Variants in QTMAN observed in about 807,000 individuals in gnomAD.
QTMAN encodes tRNA-queuosine alpha-mannosyltransferase.
chr2:144,078,715 T>G, the QTMAN span, among the ~76,000 whole-genome samples: 2 of 152,146 alleles, frequency 1.3e-5, no homozygotes, highest in South Asian at 4.1e-4. Flanking sequence ...ACTAACAACA[T>G]ATAGTCCTTA....
At chr2:144,198,188 C>T in the QTMAN span, among the ~76,000 whole-genome samples, 2 of 151,742 alleles carry the variant, frequency 1.3e-5, no homozygotes, top group African/African-American at 4.8e-5. Flanking sequence ...GACTGTACTA[C>T]TATACTCCAA....
the QTMAN span, among the ~76,000 whole-genome samples, chr2:143,978,985 T>C: frequency 3.3e-5 from 5 of 152,198 alleles, no homozygotes; most frequent in East Asian, 7.7e-4. Context: ...TAAGAGACTC[T>C]TTGATGTTTG....
the QTMAN span, among the ~76,000 whole-genome samples, chr2:144,322,066 T>C: frequency 6.6e-6 from 1 of 152,192 alleles, no homozygotes; most frequent in African/African-American, 2.4e-5. Context: ...CTCTGAATAT[T>C]TGGAAAATGT....
the QTMAN span, among the ~76,000 whole-genome samples, chr2:144,121,693 T>C: frequency 1.3e-5 from 2 of 152,264 alleles, no homozygotes; most frequent in Admixed American, 6.5e-5. Flanking sequence ...CAAAATACAT[T>C]TATTGTGAAA....
the QTMAN span, among the ~76,000 whole-genome samples, chr2:144,134,092 G>A: frequency 6.6e-6 from 1 of 152,094 alleles, no homozygotes; most frequent in Non-Finnish European, 1.5e-5. Context: ...GTTTTCCGTG[G>A]GGAGCCACGG....
chr2:144,100,859 C>CTTTTTTTTTT, the QTMAN span, among the ~76,000 whole-genome samples: 32 of 77,910 alleles, frequency 4.1e-4, no homozygotes, highest in African/African-American at 6.2e-4. Flanking sequence ...GTCTTTCTTT[C>CTTTTTTTTTT]TTTTTTTTTT....
At chr2:144,143,587 G>A in the QTMAN span, among the ~76,000 whole-genome samples, 1 of 151,882 alleles carries the variant, frequency 6.6e-6, no homozygotes, top group Non-Finnish European at 1.5e-5. Flanking sequence ...GCAAATTTGG[G>A]GGGTGTGGGT....
the QTMAN span, chr2:144,210,980 TAAACCAC>T: frequency 6.6e-6 from 1 of 152,266 alleles, no homozygotes; most frequent in Admixed American, 6.5e-5. Flanking sequence ...AAATGTGATA[TAAACCAC>T]TCTAAAGAAT....
At chr2:144,001,205 A>G in the QTMAN span, among the ~76,000 whole-genome samples, 1 of 152,002 alleles carries the variant, frequency 6.6e-6, no homozygotes, top group Admixed American at 6.6e-5. Context: ...AAAGGGTGAA[A>G]CAGAGTAATT....
the QTMAN span, among the ~76,000 whole-genome samples, chr2:144,063,691 GAC>G: frequency 6.6e-6 from 1 of 152,130 alleles, no homozygotes; most frequent in Non-Finnish European, 1.5e-5. Context: ...AAAAATACTT[GAC>G]AGTTCTTGAG....
chr2:144,172,758 T>C, the QTMAN span, among the ~76,000 whole-genome samples: 1 of 152,076 alleles, frequency 6.6e-6, no homozygotes, highest in Admixed American at 6.6e-5. Context: ...TATTTTCACT[T>C]GATTCTAATT....
chr2:144,185,731 A>G, the QTMAN span, among the ~76,000 whole-genome samples: 2 of 152,178 alleles, frequency 1.3e-5, no homozygotes, highest in African/African-American at 4.8e-5. Flanking sequence ...AAGGAAGGCA[A>G]TTGGATGTAC....
the QTMAN span, among the ~76,000 whole-genome samples, chr2:144,258,773 A>C: frequency 6.6e-6 from 1 of 152,184 alleles, no homozygotes; most frequent in African/African-American, 2.4e-5. Context: ...AAAGAGTAAA[A>C]AAAAATAAAG....
chr2:144,020,432 G>A, the QTMAN span, among the ~76,000 whole-genome samples: 18 of 152,222 alleles, frequency 1.2e-4, no homozygotes, highest in Non-Finnish European at 2.2e-4. Flanking sequence ...GGTATGATCC[G>A]ATTCTTCCGG....
At chr2:144,204,125 C>G in the QTMAN span, among the ~76,000 whole-genome samples, 1 of 152,096 alleles carries the variant, frequency 6.6e-6, no homozygotes, top group African/African-American at 2.4e-5. Flanking sequence ...GCAATGGCAA[C>G]AAAAGCCAAA....
At chr2:144,164,710 C>T in the QTMAN span, among the ~76,000 whole-genome samples, 1 of 152,118 alleles carries the variant, frequency 6.6e-6, no homozygotes, top group Non-Finnish European at 1.5e-5. Flanking sequence ...AAACACAGTG[C>T]AGTGTGCAAT....
chr2:144,210,613 G>A, the QTMAN span, among the ~76,000 whole-genome samples: 1 of 152,138 alleles, frequency 6.6e-6, no homozygotes, highest in African/African-American at 2.4e-5. Context: ...GCCATGCAGA[G>A]TTCATGGTCC....
chr2:143,997,106 G>T, the QTMAN span, among the ~76,000 whole-genome samples: 1 of 152,014 alleles, frequency 6.6e-6, no homozygotes, highest in Non-Finnish European at 1.5e-5. Flanking sequence ...CAGTAATGAA[G>T]ATAAAACAGG....
chr2:144,172,700 A>G, the QTMAN span, among the ~76,000 whole-genome samples: 1 of 151,488 alleles, frequency 6.6e-6, no homozygotes, highest in East Asian at 1.9e-4. Context: ...AAGTTATTTT[A>G]TAAAGAAAAA....
Sources: allele counts gnomAD v4.1 joint callset (sites outside exome capture counted in the v4.1 genomes callset), GRCh38; gene constraint gnomAD v4.1.1; transcripts MANE v1.5; gene names NCBI Gene and HGNC (gene_info 2026-07-23, HGNC 2026-07-21).